PDE1C: variants seen among roughly 807,000 people sequenced by gnomAD.
The protein encoded by PDE1C is phosphodiesterase 1C, also known as dual specificity calcium/calmodulin-dependent 3',5'-cyclic nucleotide phosphodiesterase 1C.
PDE1C carries 62 observed loss-of-function variants against 93.1 expected under a neutral mutation model. The observed-to-expected ratio is 0.67, with a 90% CI of 0.54 to 0.82. The LOEUF is 0.82. Among genes scored for constraint, PDE1C ranks in the 40% least tolerant of loss-of-function variants. PDE1C has a pLI of 0.00. For synonymous variants in PDE1C, 325 were observed against 310.1 expected (o/e 1.05, Z -0.50); for missense variants, 742 against 884.6 (o/e 0.84, Z 2.04).
At chr7:32,226,770 C>T (rs1807307280) in intron 1 of PDE1C, among the ~76,000 whole-genome samples, 2 of 152,102 alleles carry the variant, frequency 1.3e-5, no homozygotes, top group Admixed American at 6.5e-5. Context: ...TCACTGCTGC[C>T]GAAACACCGA....
At chr7:31,866,639 A>G (rs905310660) in intron 6 of PDE1C, among the ~76,000 whole-genome samples, 3 of 152,168 alleles carry the variant, frequency 2.0e-5, no homozygotes, top group Non-Finnish European at 4.4e-5. Context: ...CACCTCCTCC[A>G]CAAAAAAGAA....
rs1048388106 is a variant in PDE1C at position 32,298,843 on chromosome 7, G to A, written c.-108C>T. ...CTCGGCGGCGAATCCTCCCCCGGCCGCGCCGCGCTGTCACTCTCAGCCCCG... is the reference window on the plus strand; with the variant it reads ...CTCGGCGGCGAATCCTCCCCCGGCCACGCCGCGCTGTCACTCTCAGCCCCG... On this transcript the variant is annotated 5_prime_UTR_variant, in exon 1 of 19. Transcript: ENST00000396193. The A allele has an allele frequency of 1.4e-4, 203 of 1,423,336 alleles. 4 individuals are homozygous for A. The Admixed American group carries it at 3.8e-3, about 27-fold the overall frequency. 88.2% of individuals were successfully genotyped at this position (1,423,336 alleles called of 1,614,324 possible).
intron 2 of PDE1C, among the ~76,000 whole-genome samples, chr7:31,951,873 C>T (rs965437053): frequency 6.6e-6 from 1 of 152,132 alleles, no homozygotes; most frequent in African/African-American, 2.4e-5. Context: ...AACTCTTACA[C>T]CCCCTTCCCT....
chr7:31,733,477 T>C, the PDE1C span, among the ~76,000 whole-genome samples: 1 of 152,186 alleles, frequency 6.6e-6, no homozygotes. Context: ...ATTAAGCAGA[T>C]AAAGAGGCTG....
At chr7:32,242,355 G>C (rs1170339117) in intron 1 of PDE1C, among the ~76,000 whole-genome samples, 1 of 152,168 alleles carries the variant, frequency 6.6e-6, no homozygotes, top group African/African-American at 2.4e-5. Flanking sequence ...AATGAGCTGG[G>C]AGCAAAGAAA....
intron 2 of PDE1C, among the ~76,000 whole-genome samples, chr7:32,190,431 C>T (rs780267117): frequency 3.9e-5 from 6 of 152,194 alleles, no homozygotes; most frequent in Non-Finnish European, 8.8e-5. Context: ...TAGTGCTTGG[C>T]ACACTATTGA....
At chr7:32,092,663 G>T (rs910121099) in intron 3 of PDE1C, among the ~76,000 whole-genome samples, 6 of 152,164 alleles carry the variant, frequency 3.9e-5, no homozygotes, top group Non-Finnish European at 8.8e-5. Flanking sequence ...AATTACCAAA[G>T]GTTTTTACAG....
intron 7 of PDE1C, among the ~76,000 whole-genome samples, chr7:31,854,935 C>T (rs146658914): frequency 0.015 from 2,245 of 151,878 alleles, 54 homozygotes; most frequent in African/African-American, 0.051. Context: ...GGTGTGCTGG[C>T]GGGTGCCTGT....
intron 1 of PDE1C, among the ~76,000 whole-genome samples, chr7:32,354,424 T>G (rs1783993412): frequency 6.6e-6 from 1 of 152,116 alleles, no homozygotes; most frequent in African/African-American, 2.4e-5. Flanking sequence ...GCCAGAAGTT[T>G]GAGACCAGTC....
chr7:31,952,927 A>G (rs1344781212), intron 2 of PDE1C, among the ~76,000 whole-genome samples: 1 of 152,074 alleles, frequency 6.6e-6, no homozygotes, highest in Non-Finnish European at 1.5e-5. Context: ...CACTACATCT[A>G]GTATTGTTTA....
chr7:31,626,763 C>G, the PDE1C span, among the ~76,000 whole-genome samples: 1 of 152,190 alleles, frequency 6.6e-6, no homozygotes, highest in Non-Finnish European at 1.5e-5. Flanking sequence ...TACACATGCT[C>G]AGAGTTCATT....
At chr7:31,914,543 C>G (rs1237874659) in intron 2 of PDE1C, among the ~76,000 whole-genome samples, 1 of 152,186 alleles carries the variant, frequency 6.6e-6, no homozygotes, top group African/African-American at 2.4e-5. Flanking sequence ...TAGCTATAGT[C>G]AACTCACTCT....
At chr7:32,100,806 C>G (rs567102721) in intron 3 of PDE1C, among the ~76,000 whole-genome samples, 1 of 152,328 alleles carries the variant, frequency 6.6e-6, no homozygotes, top group Admixed American at 6.5e-5. Flanking sequence ...TGCACTCCAA[C>G]TGAAGGCCAG....
At chr7:32,305,888 G>T (rs540691281) in intron 1 of PDE1C, among the ~76,000 whole-genome samples, 2 of 152,290 alleles carry the variant, frequency 1.3e-5, no homozygotes, top group Admixed American at 6.5e-5. Flanking sequence ...TCAGTCCCTC[G>T]GTCAGGCATT....
At chr7:31,879,349 A>G in intron 3 of PDE1C, 171 bp from the exon 4 acceptor site, 1 of 600,204 alleles carries the variant, frequency 1.7e-6, no homozygotes, top group South Asian at 2.3e-5. Context: ...TAAGCTCGCC[A>G]TGTGTGTTTC....
At chr7:32,375,324 C>T (rs1784415768) in intron 1 of PDE1C, among the ~76,000 whole-genome samples, 1 of 152,110 alleles carries the variant, frequency 6.6e-6, no homozygotes, top group Non-Finnish European at 1.5e-5. Context: ...TATAGGTCAG[C>T]CTCCATGAGC....
the PDE1C span, among the ~76,000 whole-genome samples, chr7:31,618,204 C>T: frequency 6.6e-6 from 1 of 152,222 alleles, no homozygotes; most frequent in African/African-American, 2.4e-5. Flanking sequence ...TCAGCCTTTT[C>T]ACTTCATGTA....
the PDE1C span, among the ~76,000 whole-genome samples, chr7:31,649,701 C>G: frequency 6.6e-6 from 1 of 152,106 alleles, no homozygotes; most frequent in South Asian, 2.1e-4. Flanking sequence ...GTTAGTGGCC[C>G]TGGAGTTCTG....
chr7:32,042,812 C>T (rs961113682), intron 2 of PDE1C, among the ~76,000 whole-genome samples: 1 of 152,182 alleles, frequency 6.6e-6, no homozygotes, highest in Non-Finnish European at 1.5e-5. Context: ...CCCACCATCA[C>T]TGCAGATGTT....
Sources: gnomAD v4.1 joint callset for allele counts (sites outside exome capture counted in the v4.1 genomes callset) on GRCh38, gnomAD v4.1.1 for gene constraint, MANE v1.5 for transcripts, NCBI Gene and HGNC (gene_info 2026-07-23, HGNC 2026-07-21) for gene names.